HIRA: variants seen among roughly 807,000 people sequenced by gnomAD.
HIRA encodes histone cell cycle regulator, also known as protein HIRA.
A neutral mutation model predicts 126.6 loss-of-function variants in HIRA; 13 were observed. The observed-to-expected ratio is 0.10, with a 90% CI of 0.07 to 0.16. HIRA has a LOEUF of 0.16. Ranked by LOEUF, HIRA falls within the 10% of genes least tolerant of loss-of-function variation. The pLI is 1.00. For missense variants in HIRA, 834 were observed against 1,314.4 expected (o/e 0.63, Z 5.65); for synonymous variants, 511 against 520.0 (o/e 0.98, Z 0.24).
In HIRA at chr22:19,363,721, G is replaced by A. The variant is rs371453230; in HGVS notation, c.1776-1790C>T. On this transcript the variant is annotated intron_variant, in intron 15 of 24. Transcript: ENST00000263208. ...GAGACTGGCCTGGCCAACATGGTGAGACCCCATCTCTACTAAAAATACAAA... is the reference window on the plus strand; with the variant it reads ...GAGACTGGCCTGGCCAACATGGTGAAACCCCATCTCTACTAAAAATACAAA... Among the ~76,000 whole-genome samples the A allele has an allele frequency of 9.3e-4, 141 of 152,154 alleles. 1 individual carries two copies. Among genetic ancestry groups the A allele is most frequent in the African/African-American group, 3.2e-3 (132 of 41,514 alleles).
At chr22:19,337,583 G>T (rs951033654) in intron 24 of HIRA, among the ~76,000 whole-genome samples, 1 of 152,126 alleles carries the variant, frequency 6.6e-6, no homozygotes, top group South Asian at 2.1e-4. Context: ...TCTGAAAAAC[G>T]TATTTGTGGG....
chr22:19,384,255 C>T lies in HIRA; in HGVS notation c.1330-550G>A, dbSNP rs568120730. ...AGGAGAATCGCCTGAACCAGGGAGT[C>T]GGAGGTTGCAGTGAGCCAAGATTGC... On this transcript the variant is annotated intron_variant, in intron 12 of 24. Coordinates refer to ENST00000263208, the MANE Select transcript of HIRA (RefSeq NM_003325.4). Among the ~76,000 whole-genome samples the T allele has an allele frequency of 1.9e-3, 260 of 133,702 alleles. 2 individuals are homozygous for T. The highest frequency in any genetic ancestry group is 6.4e-3 in the African/African-American group (230 of 36,040). 87.7% of individuals were successfully genotyped at this position (133,702 alleles called of 152,430 possible). A position where few individuals can be genotyped will look rare whatever the true frequency, so the allele number is the denominator to read the frequency against.
chr22:19,368,949 G>A (rs1231378160), intron 15 of HIRA, among the ~76,000 whole-genome samples: 1 of 152,112 alleles, frequency 6.6e-6, no homozygotes, highest in Non-Finnish European at 1.5e-5. Flanking sequence ...GGGACTCTGG[G>A]GCCAGTGGCC....
intron 24 of HIRA, among the ~76,000 whole-genome samples, chr22:19,343,886 A>AAGAGAG (rs71184802): frequency 8.3e-5 from 12 of 145,078 alleles, no homozygotes; most frequent in Non-Finnish European, 1.7e-4. Flanking sequence ...AAAAAAAAAA[A>AAGAGAG]AGAGAGAGAG....
chr22:19,357,550 G>C (rs1365477177), intron 18 of HIRA, among the ~76,000 whole-genome samples: 1 of 152,238 alleles, frequency 6.6e-6, no homozygotes, highest in African/African-American at 2.4e-5. Flanking sequence ...TCCCAAACAA[G>C]GAGTGCGTTA....
chr22:19,410,692 C>A, intron 2 of HIRA, 24 bp downstream of exon 2: 1 of 1,590,194 alleles, frequency 6.3e-7, no homozygotes, highest in South Asian at 1.1e-5. Context: ...TTAAGCTTTC[C>A]CTTTCTTTAT....
intron 9 of HIRA, among the ~76,000 whole-genome samples, chr22:19,388,795 G>A (rs578129026): frequency 3.3e-5 from 5 of 152,354 alleles, no homozygotes; most frequent in Middle Eastern, 3.4e-3. Flanking sequence ...TCTGACAGGG[G>A]AAATAGCTTT....
In HIRA at chr22:19,352,033, C is replaced by A. The variant is rs56697200; in HGVS notation, c.2849-587G>T. 1.9e-3 allele frequency among the ~76,000 whole-genome samples: 291 copies of A among 152,064 alleles called. 2 individuals carry two copies. The highest frequency in any genetic ancestry group is 6.8e-3 in the African/African-American group (280 of 41,440). ...CTAAAGCAATAGGGAATGGATTAAA[C>A]TGTCCAAAGAAAAGGGTGGAGTAAG... On this transcript the variant is annotated intron_variant, in intron 23 of 24. Transcript: ENST00000263208.
At chr22:19,360,656 G>T (rs1870331471) in intron 17 of HIRA, among the ~76,000 whole-genome samples, 1 of 152,210 alleles carries the variant, frequency 6.6e-6, no homozygotes, top group Non-Finnish European at 1.5e-5. Flanking sequence ...AGCAGTGTGT[G>T]TGACGGCACC....
At chr22:19,418,458 A>G (rs1463096387) in intron 1 of HIRA, among the ~76,000 whole-genome samples, 1 of 151,408 alleles carries the variant, frequency 6.6e-6, no homozygotes, top group African/African-American at 2.4e-5. Context: ...CCCCGTCTCT[A>G]TTAAAAATAC....
At chr22:19,358,275 C>T (rs2088832443) in intron 18 of HIRA, among the ~76,000 whole-genome samples, 1 of 152,208 alleles carries the variant, frequency 6.6e-6, no homozygotes, top group African/African-American at 2.4e-5. Context: ...CAAGCCAGCC[C>T]ACTGCAAAGA....
chr22:19,352,436 T>C (rs1250799039), intron 23 of HIRA, among the ~76,000 whole-genome samples: 11 of 152,128 alleles, frequency 7.2e-5, no homozygotes, highest in Admixed American at 7.2e-4. Context: ...CCACACATAA[T>C]GGCAACCACA....
chr22:19,408,571 C>A lies in HIRA; in HGVS notation c.123G>T (p.Val41=). 1.2e-6 allele frequency: 2 copies of A among 1,612,562 alleles called. No individual in the cohort carries two copies. Among genetic ancestry groups the A allele is most frequent in the Non-Finnish European group, 1.7e-6 (2 of 1,178,578 alleles). ...GGAGGACTGGAGACATATTCCAGAT[C>A]ACAACCTTCCCAGAATCCTGCCCTG... ...GGQGQDSGKV[V]IWNMSPVLQE... Residue 41 remains valine (V), a synonymous_variant, in exon 3 of 25, where the codon GTG becomes GTT. Transcript: ENST00000263208.
At chr22:19,423,039 T>C (rs1157790855) in intron 1 of HIRA, among the ~76,000 whole-genome samples, 3 of 152,174 alleles carry the variant, frequency 2.0e-5, no homozygotes, top group Admixed American at 2.0e-4. Flanking sequence ...CTTCTCCCTC[T>C]GTCTGGTGCT....
intron 1 of HIRA, among the ~76,000 whole-genome samples, chr22:19,421,890 T>C (rs1371753550): frequency 6.6e-6 from 1 of 152,174 alleles, no homozygotes; most frequent in African/African-American, 2.4e-5. Context: ...CAGACTGGTC[T>C]TGAACTCCTA....
At chr22:19,406,086 T>C (rs542182174) in intron 4 of HIRA, among the ~76,000 whole-genome samples, 1 of 152,262 alleles carries the variant, frequency 6.6e-6, no homozygotes, top group East Asian at 1.9e-4. Flanking sequence ...ATTACAAATC[T>C]TGCATGGGAA....
chr22:19,356,162 C>T, intron 20 of HIRA, 68 bp downstream of exon 20: 6 of 1,426,886 alleles, frequency 4.2e-6, no homozygotes, highest in Non-Finnish European at 5.9e-6. Flanking sequence ...CTGAGCGGGG[C>T]CCTTCTGCAG....
At chr22:19,403,101 CAAA>C (rs199777922) in intron 5 of HIRA, among the ~76,000 whole-genome samples, 3 of 70,626 alleles carry the variant, frequency 4.2e-5, no homozygotes, top group Non-Finnish European at 7.0e-5. Context: ...GACACAGTCT[CAAA>C]AAAAAAAAAA....
chr22:19,361,129 A>G, intron 17 of HIRA, 108 bp downstream of exon 17: 1 of 849,860 alleles, frequency 1.2e-6, no homozygotes. Context: ...ATGGAGAGCC[A>G]CTGGAAACCA....
Sources: allele counts gnomAD v4.1 joint callset (sites outside exome capture counted in the v4.1 genomes callset), GRCh38; gene constraint gnomAD v4.1.1; transcripts MANE v1.5; gene names NCBI Gene and HGNC (gene_info 2026-07-23, HGNC 2026-07-21).